Variants in TMEM114 observed in about 807,000 individuals in gnomAD.
TMEM114 encodes the protein claudin-26.
A neutral mutation model predicts 6.2 loss-of-function variants in TMEM114; 6 were observed. The ratio of observed to expected loss-of-function variants is 0.97; its 90% CI spans 0.53 to 1.91. The LOEUF (loss-of-function observed/expected upper bound fraction) is 1.91. TMEM114 is among the 40% of genes most tolerant of loss of function. TMEM114 has a pLI of 0.01. For synonymous variants in TMEM114, 104 were observed against 73.0 expected (o/e 1.42, Z -2.16); for missense variants, 218 against 158.3 (o/e 1.38, Z -2.02).
chr16:8,568,168 G>C (rs1376999249), downstream of TMEM114, among the ~76,000 whole-genome samples: 1 of 152,130 alleles, frequency 6.6e-6, no homozygotes, highest in Non-Finnish European at 1.5e-5. Flanking sequence ...TCTGTACCCT[G>C]CTTTGCTTAT....
intron 3 of TMEM114, among the ~76,000 whole-genome samples, chr16:8,570,553 A>T (rs1196665620): frequency 6.6e-6 from 1 of 152,144 alleles, no homozygotes. Flanking sequence ...ACTGGTCTCA[A>T]ACTCCTGACC....
downstream of TMEM114, among the ~76,000 whole-genome samples, chr16:8,564,817 G>C (rs111218381): frequency 3.6e-5 from 4 of 111,088 alleles, no homozygotes; most frequent in Non-Finnish European, 8.9e-5. Context: ...GAGTGAATGA[G>C]TGAGTGAGTG....
chr16:8,547,613 G>C (rs1445831324), intron 2 of TMEM114, among the ~76,000 whole-genome samples: 1 of 152,016 alleles, frequency 6.6e-6, no homozygotes, highest in Non-Finnish European at 1.5e-5. Context: ...GACTGGTCTT[G>C]AACTCCTGAC....
intron 2 of TMEM114, among the ~76,000 whole-genome samples, chr16:8,550,957 A>G (rs1900824555): frequency 6.6e-6 from 1 of 152,150 alleles, no homozygotes. Flanking sequence ...CTCACCTTGT[A>G]CTTGATTTGC....
chr16:8,545,967 T>C (rs1900653409), intron 2 of TMEM114, among the ~76,000 whole-genome samples: 1 of 151,964 alleles, frequency 6.6e-6, no homozygotes, highest in Admixed American at 6.6e-5. Flanking sequence ...ATTTAAAAAT[T>C]AGCTGAGTGT....
chr16:8,538,915 T>C (rs574699890), intron 2 of TMEM114, among the ~76,000 whole-genome samples: 1 of 152,222 alleles, frequency 6.6e-6, no homozygotes, highest in Non-Finnish European at 1.5e-5. Context: ...ATTATATCAT[T>C]TATAATGTAT....
At chr16:8,549,462 T>A (rs1900775366) in intron 2 of TMEM114, among the ~76,000 whole-genome samples, 1 of 148,018 alleles carries the variant, frequency 6.8e-6, no homozygotes, top group African/African-American at 2.5e-5. Context: ...ATTGAGCCAC[T>A]TCACTCAAGC....
chr16:8,537,434 G>C (rs1280413602), downstream of TMEM114, among the ~76,000 whole-genome samples: 2 of 152,162 alleles, frequency 1.3e-5, no homozygotes, highest in South Asian at 2.1e-4. Flanking sequence ...CCGGGAGGCA[G>C]AGGTTTCAGT....
At chr16:8,549,112 G>A (rs1482686223) in intron 2 of TMEM114, among the ~76,000 whole-genome samples, 1 of 149,908 alleles carries the variant, frequency 6.7e-6, no homozygotes, top group African/African-American at 2.5e-5. Flanking sequence ...AACCCTGGAG[G>A]TGGAGCTTGC....
chr16:8,585,800 T>C (rs1902299463), intron 2 of TMEM114, among the ~76,000 whole-genome samples: 1 of 152,194 alleles, frequency 6.6e-6, no homozygotes, highest in Admixed American at 6.5e-5. Context: ...TGTCCTGTTT[T>C]AGCCTCACAA....
At chr16:8,530,935 G>T in the TMEM114 span, among the ~76,000 whole-genome samples, 1 of 152,066 alleles carries the variant, frequency 6.6e-6, no homozygotes, top group Non-Finnish European at 1.5e-5. Flanking sequence ...TGAGGCAAGA[G>T]AATGGCTTGA....
At chr16:8,570,142 G>A in intron 3 of TMEM114, 137 bp from the exon 4 acceptor site, 1 of 1,210,110 alleles carries the variant, frequency 8.3e-7, no homozygotes, top group Non-Finnish European at 1.1e-6. Flanking sequence ...CTTTGCGCGT[G>A]CTAGTCTCCC....
chr16:8,546,810 G>A (rs192228332), intron 2 of TMEM114, among the ~76,000 whole-genome samples: 3 of 152,168 alleles, frequency 2.0e-5, no homozygotes, highest in Admixed American at 6.6e-5. Flanking sequence ...TAAAGGTTTC[G>A]CTCTCCTCTA....
At chr16:8,548,064 G>A (rs1277497389) in intron 2 of TMEM114, among the ~76,000 whole-genome samples, 2 of 152,202 alleles carry the variant, frequency 1.3e-5, no homozygotes, top group Non-Finnish European at 2.9e-5. Context: ...GAAAGTGCAA[G>A]TTTCACGCTC....
chr16:8,542,641 C>T (rs1366006032), intron 2 of TMEM114, among the ~76,000 whole-genome samples: 20 of 152,114 alleles, frequency 1.3e-4, no homozygotes, highest in Admixed American at 1.2e-3. Context: ...AGGCCAGCAA[C>T]AGGGGTAGGA....
Position 8,569,504 on chromosome 16 carries a change from ATTAAAGGATCGT to A in TMEM114, c.*257_*268del. 5.8e-6 allele frequency: 8 copies of A among 1,370,578 alleles called. No homozygotes were observed. The highest frequency in any genetic ancestry group is 7.5e-6 in the Non-Finnish European group (8 of 1,060,926). 84.9% of individuals were successfully genotyped at this position (1,370,578 alleles called of 1,614,324 possible). ...TGCAATCTGTAAAGCTCTGTGTGTG[ATTAAAGGATCGT>A]TTTTATTTCTCGCGAAGCGGTTTGG... On this transcript the variant is annotated 3_prime_UTR_variant, in exon 4 of 4. Coordinates refer to ENST00000620492, the MANE Select transcript of TMEM114 (RefSeq NM_001146336.2).
the TMEM114 span, among the ~76,000 whole-genome samples, chr16:8,527,895 G>A: frequency 9.9e-5 from 15 of 152,100 alleles, no homozygotes; most frequent in East Asian, 1.9e-4. Context: ...TTTCATGATA[G>A]TTTCTTCTTT....
downstream of TMEM114, among the ~76,000 whole-genome samples, chr16:8,536,232 A>C (rs1371225259): frequency 2.0e-5 from 3 of 152,116 alleles, no homozygotes; most frequent in Non-Finnish European, 4.4e-5. Flanking sequence ...CTCAAAAAAA[A>C]AAAAAAAATG....
In TMEM114 at chr16:8,548,694, G is replaced by GTGTATATATATATATATATATATA. The variant is rs1555461967; in HGVS notation, n.213-10869_213-10868insTATATATATATATATATATATACA. Among the ~76,000 whole-genome samples, 29 of 140,004 alleles carry GTGTATATATATATATATATATATA rather than the reference G, an allele frequency of 2.1e-4. 1 individual carries two copies. The highest frequency in any genetic ancestry group is 5.1e-4 in the African/African-American group (18 of 35,318). The allele number at this position is 140,004 out of a possible 152,430, so 91.8% of individuals were successfully genotyped here. A position where few individuals can be genotyped will look rare whatever the true frequency, so the allele number is the denominator to read the frequency against. ...AGAGAAGTGAGCTAAAAATTGCCATGTATATATATACACAGAAAAAAAATA... is the reference window on the plus strand; with the variant it reads ...AGAGAAGTGAGCTAAAAATTGCCATGTGTATATATATATATATATATATATATATATATACACAGAAAAAAAATA... On this transcript the variant is annotated intron_variant and non_coding_transcript_variant, in intron 2 of 2. Transcript: ENST00000623677.
Sources: allele counts gnomAD v4.1 joint callset (sites outside exome capture counted in the v4.1 genomes callset), GRCh38; gene constraint gnomAD v4.1.1; transcripts MANE v1.5; gene names NCBI Gene and HGNC (gene_info 2026-07-23, HGNC 2026-07-21).